CSMD1: variants seen among roughly 807,000 people sequenced by gnomAD.
CSMD1 encodes CUB and Sushi multiple domains 1, also known as CUB and sushi domain-containing protein 1.
In CSMD1, 213 loss-of-function variants were observed where a neutral mutation model predicts 417.5. The observed-to-expected ratio is 0.51, with a 90% CI of 0.46 to 0.57. CSMD1 has a LOEUF of 0.57. CSMD1 is among the 20% of genes least tolerant of loss of function. CSMD1 has a pLI of 0.00. For synonymous variants in CSMD1, 2,862 were observed against 1,736.8 expected, an observed-to-expected ratio of 1.65 and a Z score of -16.11; for missense variants, 6,923 against 4,529.7, an observed-to-expected ratio of 1.53 and a Z score of -15.17.
chr8:4,831,179 G>GA (rs949219992), intron 1 of CSMD1, among the ~76,000 whole-genome samples: 1 of 152,118 alleles, frequency 6.6e-6, no homozygotes, highest in African/African-American at 2.4e-5. Context: ...TCTAGAATCT[G>GA]AAAAATGCAA....
intron 3 of CSMD1, among the ~76,000 whole-genome samples, chr8:4,117,814 C>T (rs887576471): frequency 1.3e-5 from 2 of 152,068 alleles, no homozygotes; most frequent in Admixed American, 6.6e-5. Flanking sequence ...TCCTAGAGGA[C>T]ACCTAGTTAG....
chr8:4,168,983 A>C (rs1714741), intron 3 of CSMD1, among the ~76,000 whole-genome samples: 30,157 of 151,484 alleles, frequency 0.2, 3,183 homozygotes, highest in East Asian at 0.3. Flanking sequence ...CGTTCTCCTC[A>C]TTTTCCTACT....
At chr8:3,755,813 C>G (rs7819340) in intron 5 of CSMD1, among the ~76,000 whole-genome samples, 3 of 151,892 alleles carry the variant, frequency 2.0e-5, no homozygotes, top group African/African-American at 7.2e-5. Context: ...AAATAATCTT[C>G]TGTAAGAGAA....
intron 54 of CSMD1, among the ~76,000 whole-genome samples, chr8:2,991,209 T>C (rs892046606): frequency 1.3e-5 from 2 of 152,234 alleles, no homozygotes; most frequent in Non-Finnish European, 2.9e-5. Flanking sequence ...AGACACTCAA[T>C]GTTCTTCCAC....
At chr8:4,449,665 C>T (rs566813011) in intron 2 of CSMD1, among the ~76,000 whole-genome samples, 2 of 152,120 alleles carry the variant, frequency 1.3e-5, no homozygotes, top group South Asian at 4.2e-4. Context: ...CATAATCAGC[C>T]TGAGAGGAAT....
At chr8:4,190,931 C>G (rs111828115) in intron 3 of CSMD1, among the ~76,000 whole-genome samples, 5 of 147,546 alleles carry the variant, frequency 3.4e-5, no homozygotes, top group African/African-American at 1.0e-4. Flanking sequence ...GTGAACGACA[C>G]AAACTGCGGC....
chr8:3,058,858 A>G (rs897728597), intron 49 of CSMD1, among the ~76,000 whole-genome samples: 24 of 151,872 alleles, frequency 1.6e-4, no homozygotes, highest in African/African-American at 5.6e-4. Flanking sequence ...GATCCACACA[A>G]ATGCCTCAAG....
In CSMD1 at chr8:3,616,796, C is replaced by T. The variant is rs1802161423; in HGVS notation, c.1011G>A (p.Leu337=). The change falls in exon 8 of 70, where the codon TTG becomes TTA. Residue 337 remains leucine, a splice_region_variant and synonymous_variant. Transcript: ENST00000635120. ...AGACCAATGCAACACCTCCTTGGCTCACTGTAATAGACAGAAACATTGTCA... is the reference window on the plus strand; with the variant it reads ...AGACCAATGCAACACCTCCTTGGCTTACTGTAATAGACAGAAACATTGTCA... ...SKDGSHKNSV[L]SQGGVALVSD... 7 of 1,606,544 alleles carry T rather than the reference C, an allele frequency of 4.4e-6. No homozygotes were observed. The highest frequency in any genetic ancestry group is 1.3e-5 in the African/African-American group (1 of 74,870).
intron 3 of CSMD1, among the ~76,000 whole-genome samples, chr8:4,047,693 A>G (rs1798219764): frequency 6.6e-6 from 1 of 152,180 alleles, no homozygotes; most frequent in South Asian, 2.1e-4. Flanking sequence ...TAAAAAAATA[A>G]AATTTGTAAT....
At chr8:4,642,095 G>A (rs1177232040) in intron 1 of CSMD1, among the ~76,000 whole-genome samples, 2 of 152,340 alleles carry the variant, frequency 1.3e-5, no homozygotes, top group East Asian at 1.9e-4. Context: ...TGGTCAGCCT[G>A]TAGGTGCTAC....
At chr8:3,978,269 G>A (rs993664425) in intron 5 of CSMD1, among the ~76,000 whole-genome samples, 3 of 152,170 alleles carry the variant, frequency 2.0e-5, no homozygotes, top group Admixed American at 6.5e-5. Context: ...TGACATGGGA[G>A]CCTCAGTCAC....
chr8:3,919,490 T>A (rs1049610803), intron 5 of CSMD1, among the ~76,000 whole-genome samples: 2 of 152,186 alleles, frequency 1.3e-5, no homozygotes, highest in African/African-American at 4.8e-5. Flanking sequence ...ATTATTGGTC[T>A]ATGTGTCTGT....
chr8:3,816,267 C>T (rs774839645), intron 5 of CSMD1, among the ~76,000 whole-genome samples: 12 of 152,304 alleles, frequency 7.9e-5, no homozygotes, highest in African/African-American at 2.9e-4. Context: ...ATTTTCTCCA[C>T]ATTAAACTAG....
chr8:4,360,800 G>A (rs1378690226), intron 3 of CSMD1, among the ~76,000 whole-genome samples: 1 of 151,442 alleles, frequency 6.6e-6, no homozygotes, highest in Non-Finnish European at 1.5e-5. Context: ...GGCCCCTCGG[G>A]GTTCGTAATC....
At chr8:3,639,910 G>C (rs561248699) in intron 7 of CSMD1, among the ~76,000 whole-genome samples, 20 of 152,052 alleles carry the variant, frequency 1.3e-4, no homozygotes, top group Admixed American at 3.3e-4. Flanking sequence ...TTTGTGTTTT[G>C]CTAACCCTAG....
intron 10 of CSMD1, among the ~76,000 whole-genome samples, chr8:3,565,777 T>C (rs1799679166): frequency 6.6e-6 from 1 of 152,208 alleles, no homozygotes; most frequent in African/African-American, 2.4e-5. Flanking sequence ...CACAAATTGC[T>C]GTGACTAATT....
At chr8:4,079,069 T>A (rs1799987289) in intron 3 of CSMD1, among the ~76,000 whole-genome samples, 1 of 151,842 alleles carries the variant, frequency 6.6e-6, no homozygotes, top group African/African-American at 2.4e-5. Flanking sequence ...CGAATGGAAC[T>A]TATACAGCTC....
intron 1 of CSMD1, among the ~76,000 whole-genome samples, chr8:4,703,025 T>G (rs17346455): frequency 6.6e-6 from 1 of 152,202 alleles, no homozygotes; most frequent in Non-Finnish European, 1.5e-5. Flanking sequence ...AATCTGGCGA[T>G]ATTTTTATTT....
At chr8:3,130,566 C>A (rs1345323817) in intron 41 of CSMD1, among the ~76,000 whole-genome samples, 1 of 152,178 alleles carries the variant, frequency 6.6e-6, no homozygotes, top group South Asian at 2.1e-4. Flanking sequence ...GCCAAATCCC[C>A]AGGCCCCCTG....
Sources: allele counts gnomAD v4.1 joint callset (sites outside exome capture counted in the v4.1 genomes callset), GRCh38; gene constraint gnomAD v4.1.1; transcripts MANE v1.5; gene names NCBI Gene and HGNC (gene_info 2026-07-23, HGNC 2026-07-21).